Variants in CDH13 observed in about 807,000 individuals in gnomAD.
CDH13 encodes the protein cadherin-13.
Under a neutral mutation model 63.8 loss-of-function variants are expected in CDH13, and 24 were observed. The observed-to-expected ratio is 0.38, with a 90% CI of 0.27 to 0.53. The LOEUF (loss-of-function observed/expected upper bound fraction) is 0.53, where lower values mean the gene tolerates loss of function less well. CDH13 is among the 20% of genes least tolerant of loss of function. CDH13 has a pLI of 0.85. For synonymous variants in CDH13, 503 were observed against 355.3 expected (o/e 1.42, Z -4.67); for missense variants, 1,049 against 903.1 (o/e 1.16, Z -2.07).
At chr16:83,381,737 C>G (rs764789793) in intron 6 of CDH13, among the ~76,000 whole-genome samples, 4 of 151,706 alleles carry the variant, frequency 2.6e-5, no homozygotes, top group Non-Finnish European at 5.9e-5. Context: ...AAAAAAAGTA[C>G]CAAGAGGATA....
At chr16:82,742,539 C>G (rs776050779) in intron 1 of CDH13, among the ~76,000 whole-genome samples, 28 of 151,960 alleles carry the variant, frequency 1.8e-4, no homozygotes, top group Non-Finnish European at 3.4e-4. Flanking sequence ...AGATTGGGTT[C>G]CATTTCTCTT....
chr16:82,682,860 C>T (rs1419326119), intron 1 of CDH13, among the ~76,000 whole-genome samples: 1 of 152,178 alleles, frequency 6.6e-6, no homozygotes, highest in Non-Finnish European at 1.5e-5. Flanking sequence ...TTCCCCTGAG[C>T]CATGACCCAG....
At chr16:82,949,845 G>A (rs924668814) in intron 2 of CDH13, among the ~76,000 whole-genome samples, 1 of 152,090 alleles carries the variant, frequency 6.6e-6, no homozygotes, top group East Asian at 1.9e-4. Context: ...GAATGTTACA[G>A]TGACTGATAA....
chr16:83,411,196 A>C (rs1217950849), intron 6 of CDH13, among the ~76,000 whole-genome samples: 1 of 152,102 alleles, frequency 6.6e-6, no homozygotes, highest in Non-Finnish European at 1.5e-5. Context: ...TGAAACAATC[A>C]CCCACTAATC....
At chr16:83,291,906 G>T (rs548120148) in intron 5 of CDH13, among the ~76,000 whole-genome samples, 2 of 152,272 alleles carry the variant, frequency 1.3e-5, no homozygotes, top group South Asian at 2.1e-4. Flanking sequence ...GACCAGGTCA[G>T]AGTTCCTCCA....
At chr16:83,140,032 A>G (rs1345670289) in intron 4 of CDH13, among the ~76,000 whole-genome samples, 2 of 152,148 alleles carry the variant, frequency 1.3e-5, no homozygotes, top group African/African-American at 4.8e-5. Context: ...GAGTCCCACC[A>G]TTGGGGATAA....
At chr16:83,732,564 T>C (rs1911143381) in intron 10 of CDH13, among the ~76,000 whole-genome samples, 1 of 152,182 alleles carries the variant, frequency 6.6e-6, no homozygotes, top group Admixed American at 6.5e-5. Flanking sequence ...AGGGTTCTGT[T>C]TCTACACTAG....
intron 10 of CDH13, among the ~76,000 whole-genome samples, chr16:83,716,231 T>C (rs1908871601): frequency 6.6e-6 from 1 of 151,990 alleles, no homozygotes; most frequent in Non-Finnish European, 1.5e-5. Flanking sequence ...CCCACCAAAC[T>C]GGGACATTCG....
chr16:83,325,679 C>T (rs1031638897), intron 5 of CDH13, among the ~76,000 whole-genome samples: 12 of 152,272 alleles, frequency 7.9e-5, no homozygotes, highest in South Asian at 2.1e-4. Context: ...ATACTTGATA[C>T]CTTCACGCTC....
intron 10 of CDH13, among the ~76,000 whole-genome samples, chr16:83,723,263 C>A (rs1909931816): frequency 6.6e-6 from 1 of 152,202 alleles, no homozygotes; most frequent in African/African-American, 2.4e-5. Context: ...TCTTTTCACC[C>A]ACCCTATGAG....
At chr16:83,027,407 T>G (rs72794184) in intron 2 of CDH13, among the ~76,000 whole-genome samples, 3 of 151,804 alleles carry the variant, frequency 2.0e-5, no homozygotes, top group Non-Finnish European at 4.4e-5. Context: ...TCTTGAAGAG[T>G]AAGCAAGAGT....
At chr16:82,664,158 C>G (rs972811180) in intron 1 of CDH13, among the ~76,000 whole-genome samples, 1 of 152,236 alleles carries the variant, frequency 6.6e-6, no homozygotes, top group Non-Finnish European at 1.5e-5. Context: ...ATAGTAAGCG[C>G]TAAATAAATG....
In CDH13 at chr16:82,670,551, G is replaced by T. The variant is rs527269474; in HGVS notation, c.45+43414G>T. Among the ~76,000 whole-genome samples, 136 of 152,280 alleles carry T rather than the reference G, an allele frequency of 8.9e-4. 5 individuals carry two copies. The South Asian group carries it at 0.026, about 30-fold the overall frequency. Reference sequence around the variant, plus strand: ...GGTTTGCTTTACCTGAAGGCAGCGGGGCACACGTACTGAGGACTATTGGGT... The same window carrying T: ...GGTTTGCTTTACCTGAAGGCAGCGGTGCACACGTACTGAGGACTATTGGGT... On this transcript the variant is annotated intron_variant, in intron 1 of 13. Transcript: ENST00000567109.
chr16:83,414,239 C>G (rs9921915), intron 6 of CDH13, among the ~76,000 whole-genome samples: 17,426 of 151,990 alleles, frequency 0.11, 1,285 homozygotes, highest in Middle Eastern at 0.17. Flanking sequence ...ATCTTTTTGT[C>G]GTAGCAGTTG....
intron 7 of CDH13, among the ~76,000 whole-genome samples, chr16:83,591,935 T>G (rs8061861): frequency 0.99 from 151,271 of 152,318 alleles, 75,124 homozygotes; most frequent in East Asian, 1. Flanking sequence ...TTCTTCCATA[T>G]AATTTGACTT....
intron 1 of CDH13, among the ~76,000 whole-genome samples, chr16:82,637,152 T>G (rs1165705608): frequency 1.3e-5 from 2 of 152,190 alleles, no homozygotes; most frequent in South Asian, 4.1e-4. Flanking sequence ...GCTGTCTAAT[T>G]GGGCCCTGTA....
intron 5 of CDH13, among the ~76,000 whole-genome samples, chr16:83,337,016 A>T (rs566694281): frequency 1.3e-4 from 20 of 152,324 alleles, no homozygotes; most frequent in African/African-American, 4.6e-4. Context: ...GGATGACTCA[A>T]ATGAAGGGCA....
At chr16:83,323,108 T>G (rs1291285357) in intron 5 of CDH13, among the ~76,000 whole-genome samples, 2 of 152,018 alleles carry the variant, frequency 1.3e-5, no homozygotes, top group Non-Finnish European at 2.9e-5. Flanking sequence ...ATCAATCAGC[T>G]ACACCTGTGG....
chr16:83,096,141 T>G (rs1331592629), intron 3 of CDH13, among the ~76,000 whole-genome samples: 1 of 152,198 alleles, frequency 6.6e-6, no homozygotes, highest in Non-Finnish European at 1.5e-5. Context: ...GGTACAACTC[T>G]GTAAGGGCAT....
Sources: allele counts gnomAD v4.1 joint callset (sites outside exome capture counted in the v4.1 genomes callset), GRCh38; gene constraint gnomAD v4.1.1; transcripts MANE v1.5; gene names NCBI Gene and HGNC (gene_info 2026-07-23, HGNC 2026-07-21).